Variants in PAIP1 observed in about 807,000 individuals in gnomAD.
PAIP1 encodes the protein poly(A) binding protein interacting protein 1.
PAIP1 carries 16 observed loss-of-function variants against 61.3 expected under a neutral mutation model. That is an observed-to-expected ratio of 0.26 (90% CI 0.18 to 0.40). The LOEUF (loss-of-function observed/expected upper bound fraction) is 0.40, where lower values mean the gene tolerates loss of function less well. PAIP1 is among the 10% of genes least tolerant of loss of function. The pLI, the probability that PAIP1 is intolerant of heterozygous loss-of-function variation, is 1.00. For synonymous variants in PAIP1, 187 were observed against 226.2 expected, an observed-to-expected ratio of 0.83 and a Z score of 1.56; for missense variants, 416 against 600.9, an observed-to-expected ratio of 0.69 and a Z score of 3.22.
intron 9 of PAIP1, among the ~76,000 whole-genome samples, chr5:43,530,914 C>T (rs189650784): frequency 1.2e-4 from 18 of 152,150 alleles, no homozygotes; most frequent in Admixed American, 2.0e-4. Flanking sequence ...GTCTTGGGCC[C>T]CATGTGAAAC....
Position 43,556,781 on chromosome 5 carries a change from T to A in PAIP1, c.66A>T (p.Gly22=). ...AACCGCCGCCCTCAGGCCCGCCCCC[T>A]CCGCGGCCCAGGCCCCGGCTCCGGC... ...GRGRSRGLGR[G]GGGPEGGGFP... is the part of the protein sequence containing the mutation. Residue 22 remains glycine (G), a synonymous_variant, in exon 1 of 11, where the codon GGA becomes GGT. Coordinates refer to ENST00000306846, the MANE Select transcript of PAIP1 (RefSeq NM_006451.5). The A allele has an allele frequency of 6.9e-7, 1 of 1,439,798 alleles. No homozygotes were observed. The highest frequency in any genetic ancestry group is 9.1e-7 in the Non-Finnish European group (1 of 1,099,836). The allele number at this position is 1,439,798 out of a possible 1,614,324, so 89.2% of individuals were successfully genotyped here.
chr5:43,539,763 T>C (rs1183838873), intron 4 of PAIP1, among the ~76,000 whole-genome samples: 8 of 152,230 alleles, frequency 5.3e-5, no homozygotes. Context: ...TCATAGTTCC[T>C]ACAAGGTAAC....
intron 1 of PAIP1, chr5:43,556,302 G>C: frequency 8.0e-7 from 1 of 1,247,850 alleles, no homozygotes; most frequent in Non-Finnish European, 1.0e-6. Context: ...CGCTTTAGAG[G>C]GCTGCTGAGG....
At chr5:43,532,384 G>C (rs908435964) in intron 9 of PAIP1, among the ~76,000 whole-genome samples, 11 of 152,022 alleles carry the variant, frequency 7.2e-5, no homozygotes, top group African/African-American at 2.7e-4. Flanking sequence ...TGATAGAAGA[G>C]TTACATAGTA....
In PAIP1 at chr5:43,554,690, C is replaced by T. The variant is rs147394996; in HGVS notation, c.435+1140G>A. On this transcript the variant is annotated intron_variant, in intron 2 of 10. Transcript: ENST00000306846. ...ACCAGAATGGTTAAACAGAAAATAC[C>T]AAGTGCCGACCAGGAAGCAGAGTAA... is the stretch of plus-strand genomic sequence containing the variant. Among the ~76,000 whole-genome samples, 574 of 152,162 alleles carry T rather than the reference C, an allele frequency of 3.8e-3. 1 individual carries two copies. Among genetic ancestry groups the T allele is most frequent in the Middle Eastern group, 0.034 (10 of 294 alleles).
At chr5:43,546,843 G>C (rs1358946303) in intron 3 of PAIP1, among the ~76,000 whole-genome samples, 1 of 151,866 alleles carries the variant, frequency 6.6e-6, no homozygotes, top group South Asian at 2.1e-4. Flanking sequence ...AGGAGTTCGA[G>C]ACCAGCCCGG....
chr5:43,550,154 A>G (rs1211773385), intron 2 of PAIP1, among the ~76,000 whole-genome samples: 1 of 152,174 alleles, frequency 6.6e-6, no homozygotes, highest in African/African-American at 2.4e-5. Context: ...GTGTTCATTG[A>G]ATAGAAGGAT....
Position 43,556,989 on chromosome 5 carries a change from G to A in PAIP1, c.-143C>T, listed in dbSNP as rs556969768. The stretch of plus-strand genomic sequence containing the variant: ...GGAGGAGGGCGGCGGGCCCCGGCTC[G>A]GCTGCTCGGTGCTTCTGGCGGAGCG... On this transcript the variant is annotated 5_prime_UTR_variant, in exon 1 of 11. Transcript: ENST00000306846. 5 of 1,230,628 alleles carry A rather than the reference G, an allele frequency of 4.1e-6. No homozygotes were observed. The East Asian group carries it at 1.6e-4, about 40-fold the overall frequency. The allele number at this position is 1,230,628 out of a possible 1,614,324, so 76.2% of individuals were successfully genotyped here. A position where few individuals can be genotyped will look rare whatever the true frequency, so the allele number is the denominator to read the frequency against.
intron 3 of PAIP1, among the ~76,000 whole-genome samples, chr5:43,544,146 T>TAAAAAAAA (rs568177939): frequency 2.8e-5 from 2 of 72,686 alleles, no homozygotes; most frequent in African/African-American, 9.5e-5. Context: ...CCCATCTTTT[T>TAAAAAAAA]AAAAAAAAAA....
At chr5:43,550,291 T>C (rs1274786526) in intron 2 of PAIP1, among the ~76,000 whole-genome samples, 1 of 152,166 alleles carries the variant, frequency 6.6e-6, no homozygotes, top group East Asian at 1.9e-4. Context: ...ACTCTGAGGA[T>C]TAAGTGAATT....
Position 43,555,903 on chromosome 5 carries a change from G to A in PAIP1, c.362C>T (p.Ala121Val), listed in dbSNP as rs1328395337. The A allele has an allele frequency of 6.8e-6, 11 of 1,613,784 alleles. No homozygotes were observed. Among genetic ancestry groups the A allele is most frequent in the South Asian group, 5.5e-5 (5 of 91,076 alleles). Residue 121 changes from alanine (A) to valine (V), a missense_variant, in exon 2 of 11, where the codon GCT (alanine) becomes GTT (valine). Coordinates refer to ENST00000306846, the MANE Select transcript of PAIP1 (RefSeq NM_006451.5). ...SAMAKPQVVVAPVLMSKLSVN... is the reference protein window; with the variant it reads ...SAMAKPQVVVVPVLMSKLSVN... ...AGACAGCTTAGACATTAATACAGGA[G>A]CTACAACCACCTGGGGCTTAGCCAT...
chr5:43,530,789 G>A (rs1455792163), intron 9 of PAIP1, among the ~76,000 whole-genome samples: 1 of 152,072 alleles, frequency 6.6e-6, no homozygotes, highest in Non-Finnish European at 1.5e-5. Flanking sequence ...AATGAAGAAG[G>A]AACTGAAAGC....
At chr5:43,543,298 C>G (rs987754154) in intron 3 of PAIP1, among the ~76,000 whole-genome samples, 182 bp from the exon 4 acceptor site, 7 of 138,970 alleles carry the variant, frequency 5.0e-5, no homozygotes, top group African/African-American at 1.8e-4. Flanking sequence ...ACAGCAAGAA[C>G]CACAATAAGT....
At chr5:43,548,187 A>T (rs182463708) in intron 2 of PAIP1, among the ~76,000 whole-genome samples, 1 of 152,366 alleles carries the variant, frequency 6.6e-6, no homozygotes, top group East Asian at 1.9e-4. Flanking sequence ...GTTTAAACCA[A>T]TATTTCACTA....
intron 2 of PAIP1, among the ~76,000 whole-genome samples, chr5:43,550,589 A>G (rs1193407330): frequency 6.6e-6 from 1 of 152,090 alleles, no homozygotes; most frequent in Non-Finnish European, 1.5e-5. Flanking sequence ...TGTTTAACCT[A>G]GAACATTTTG....
At chr5:43,535,272 TTTTCA>T (rs1368104513) in intron 7 of PAIP1, among the ~76,000 whole-genome samples, 2 of 152,166 alleles carry the variant, frequency 1.3e-5, no homozygotes, top group African/African-American at 4.8e-5. Context: ...TGGATTTTGT[TTTTCA>T]TTTAATTCAT....
rs1284855631 is a variant in PAIP1 at position 43,534,988 on chromosome 5, A to T, written c.1080-18T>A. The T allele has an allele frequency of 7.3e-7, 1 of 1,361,756 alleles. No homozygotes were observed. Among genetic ancestry groups the T allele is most frequent in the Non-Finnish European group, 1.1e-6 (1 of 950,266 alleles). 84.4% of individuals were successfully genotyped at this position (1,361,756 alleles called of 1,614,324 possible). ...TTACATCTCTGTAGACAAAGTTGAA[A>T]ATGAGTTAGTGTATCCACCATAAGG... On this transcript the variant is annotated intron_variant, in intron 7 of 10. Coordinates refer to ENST00000306846, the MANE Select transcript of PAIP1 (RefSeq NM_006451.5).
intron 4 of PAIP1, among the ~76,000 whole-genome samples, chr5:43,541,748 A>G (rs1219615919): frequency 1.3e-5 from 2 of 150,974 alleles, no homozygotes; most frequent in Admixed American, 6.6e-5. Context: ...AAGACATCAA[A>G]TTATAAGAAA....
chr5:43,552,123 A>G (rs1420368929), intron 2 of PAIP1, among the ~76,000 whole-genome samples: 1 of 152,194 alleles, frequency 6.6e-6, no homozygotes, highest in Non-Finnish European at 1.5e-5. Flanking sequence ...TCAAGAGATG[A>G]GAACCTATTA....
Sources: allele counts gnomAD v4.1 joint callset (sites outside exome capture counted in the v4.1 genomes callset), GRCh38; gene constraint gnomAD v4.1.1; transcripts MANE v1.5; gene names NCBI Gene and HGNC (gene_info 2026-07-23, HGNC 2026-07-21).